Variants in RTN4 observed in about 807,000 individuals in gnomAD.
RTN4 encodes the protein reticulon 4.
Under a neutral mutation model 90.4 loss-of-function variants are expected in RTN4, and 32 were observed. That is an observed-to-expected ratio of 0.35 (90% CI 0.27 to 0.48). The LOEUF (loss-of-function observed/expected upper bound fraction) is 0.48, where lower values mean the gene tolerates loss of function less well. Among genes scored for constraint, RTN4 ranks in the 20% least tolerant of loss-of-function variants. The pLI, the probability that RTN4 is intolerant of heterozygous loss-of-function variation, is 0.99. For synonymous variants in RTN4, 629 were observed against 552.5 expected, an observed-to-expected ratio of 1.14 and a Z score of -1.94; for missense variants, 1,706 against 1,430.2, an observed-to-expected ratio of 1.19 and a Z score of -3.11.
chr2:54,989,006 TAAG>T (rs1381262836), intron 3 of RTN4, among the ~76,000 whole-genome samples: 1 of 152,240 alleles, frequency 6.6e-6, no homozygotes, highest in Non-Finnish European at 1.5e-5. Context: ...ATACTCTTTC[TAAG>T]AAGAGGTGAC....
intron 8 of RTN4, 36 bp from the exon 9 acceptor site, chr2:54,973,234 G>C: frequency 6.5e-7 from 1 of 1,533,786 alleles, no homozygotes; most frequent in Non-Finnish European, 9.0e-7. Flanking sequence ...TATCAGTTTT[G>C]TTTGCTGCTG....
intron 3 of RTN4, among the ~76,000 whole-genome samples, chr2:54,992,072 T>C (rs550432663): frequency 3.6e-4 from 55 of 152,306 alleles, no homozygotes; most frequent in Admixed American, 2.2e-3. Flanking sequence ...AAGTGGGTTA[T>C]GCCTGTAATT....
At chr2:55,101,943 A>T (rs1048655326) in intron 1 of RTN4, among the ~76,000 whole-genome samples, 2 of 152,134 alleles carry the variant, frequency 1.3e-5, no homozygotes, top group African/African-American at 4.8e-5. Flanking sequence ...CCTCCAAATC[A>T]AATATAAAAG....
the RTN4 span, among the ~76,000 whole-genome samples, chr2:55,120,484 CTG>C: frequency 6.6e-6 from 1 of 152,098 alleles, no homozygotes; most frequent in African/African-American, 2.4e-5. Flanking sequence ...AAACCTCTCA[CTG>C]TCCCTCCATT....
At chr2:55,072,315 C>T (rs1434141534) in intron 2 of RTN4, among the ~76,000 whole-genome samples, 1 of 152,032 alleles carries the variant, frequency 6.6e-6, no homozygotes. Flanking sequence ...CTGCAAGCTC[C>T]ACCTCCCGTG....
At position 55,025,376 on chromosome 2, in the gene RTN4, C is replaced by T. The variant is rs1472647615; in HGVS notation, c.2723G>A (p.Gly908Glu). 2 of 1,613,922 alleles carry T rather than the reference C, an allele frequency of 1.2e-6. No homozygotes were observed. The highest frequency in any genetic ancestry group is 1.7e-6 in the Non-Finnish European group (2 of 1,179,884). ...GGGCAATTCTGTGCAAGGCAATGAC[C>T]CAGCTCCATCCGGGGCATTAGCAAT... ...SEIANAPDGA[G>E]SLPCTELPHD... Residue 908 changes from glycine to glutamate, a missense_variant, in exon 3 of 9, where the codon GGG (glycine) becomes GAG (glutamate). Physicochemically the swap from Gly to Glu is moderately conservative, Grantham distance 98 (BLOSUM62 -2). Transcript: ENST00000337526.
At chr2:55,130,702 G>A in the RTN4 span, among the ~76,000 whole-genome samples, 61 of 152,256 alleles carry the variant, frequency 4.0e-4, no homozygotes, top group Middle Eastern at 3.4e-3. Context: ...AGTAAGTCAA[G>A]ATCTCACCAC....
chr2:54,993,061 G>C (rs2864049), intron 3 of RTN4, among the ~76,000 whole-genome samples: 1 of 141,360 alleles, frequency 7.1e-6, no homozygotes. Flanking sequence ...GCAACAGAGC[G>C]AGACTCCATC....
chr2:55,083,865 G>A (rs903452413), intron 1 of RTN4, among the ~76,000 whole-genome samples: 3 of 152,192 alleles, frequency 2.0e-5, no homozygotes, highest in African/African-American at 7.2e-5. Flanking sequence ...GTAATTTCCT[G>A]AGCATCTCAA....
chr2:55,034,027 T>A (rs1682511156), intron 1 of RTN4, among the ~76,000 whole-genome samples: 1 of 152,080 alleles, frequency 6.6e-6, no homozygotes, highest in Admixed American at 6.5e-5. Context: ...GAAAAACACA[T>A]AAAACAAGGT....
At chr2:55,112,861 C>A (rs1271642418), upstream of RTN4, among the ~76,000 whole-genome samples, 1 of 152,200 alleles carries the variant, frequency 6.6e-6, no homozygotes, top group Non-Finnish European at 1.5e-5. Context: ...CTTCTGCCAA[C>A]CCCCAGCTGG....
chr2:55,000,921 T>A (rs975087912), intron 3 of RTN4, among the ~76,000 whole-genome samples: 5 of 152,122 alleles, frequency 3.3e-5, no homozygotes, highest in South Asian at 2.1e-4. Context: ...GAATAAACCA[T>A]GTTTTGTTTA....
At chr2:55,036,116 C>T (rs1016239766) in intron 1 of RTN4, among the ~76,000 whole-genome samples, 8 of 152,060 alleles carry the variant, frequency 5.3e-5, no homozygotes, top group African/African-American at 1.9e-4. Context: ...TAGATTTATG[C>T]ATTAATACCA....
chr2:55,107,048 G>A (rs1034790130), intron 1 of RTN4, among the ~76,000 whole-genome samples: 2 of 152,058 alleles, frequency 1.3e-5, no homozygotes, highest in Non-Finnish European at 2.9e-5. Context: ...GTAACTTTCT[G>A]ATGTTAATAA....
chr2:55,114,568 G>A (rs1350798702), upstream of RTN4, among the ~76,000 whole-genome samples: 1 of 152,154 alleles, frequency 6.6e-6, no homozygotes, highest in Non-Finnish European at 1.5e-5. Flanking sequence ...GCGTGGTGAC[G>A]CACGCCTGTA....
intron 3 of RTN4, among the ~76,000 whole-genome samples, chr2:55,006,459 C>T (rs1680233090): frequency 6.6e-6 from 1 of 152,094 alleles, no homozygotes; most frequent in Non-Finnish European, 1.5e-5. Context: ...GAGCTTTATT[C>T]AAGGCTTTCA....
rs940473282 is a variant in RTN4 at position 55,111,599 on chromosome 2, CT to C, written c.-214+920del. ...TGCCTTCCACAGCACCTCCCACCCT[CT>C]GCTGGGAGTCACAGACCTCTCCTAA... On this transcript the variant is annotated intron_variant, in intron 1 of 3. Coordinates refer to the RTN4 transcript ENST00000427710. Among the ~76,000 whole-genome samples, 25 of 152,162 alleles carry C rather than the reference CT, an allele frequency of 1.6e-4. 1 individual carries two copies. The highest frequency in any genetic ancestry group is 6.5e-5 in the Admixed American group (1 of 15,274).
chr2:55,049,391 C>A (rs1271787900), intron 1 of RTN4, among the ~76,000 whole-genome samples: 1 of 152,226 alleles, frequency 6.6e-6, no homozygotes, highest in African/African-American at 2.4e-5. Context: ...GAAGCCCAAC[C>A]AACCCGATAA....
intron 2 of RTN4, among the ~76,000 whole-genome samples, chr2:55,027,892 CA>C (rs1682025192): frequency 6.6e-6 from 1 of 152,132 alleles, no homozygotes; most frequent in African/African-American, 2.4e-5. Context: ...TGGCTATACT[CA>C]AACTGTATTT....
Sources: gnomAD v4.1 joint callset for allele counts (sites outside exome capture counted in the v4.1 genomes callset) on GRCh38, gnomAD v4.1.1 for gene constraint, MANE v1.5 for transcripts, NCBI Gene and HGNC (gene_info 2026-07-23, HGNC 2026-07-21) for gene names.